Variants in SIK3 observed in about 807,000 individuals in gnomAD.
SIK3 encodes SIK family kinase 3, also known as serine/threonine-protein kinase SIK3.
In SIK3, 28 loss-of-function variants were observed where a neutral mutation model predicts 144.2. That is an observed-to-expected ratio of 0.19 (90% CI 0.14 to 0.27). The LOEUF (loss-of-function observed/expected upper bound fraction) is 0.27, where lower values mean the gene tolerates loss of function less well. Ranked by LOEUF, SIK3 falls within the 10% of genes least tolerant of loss-of-function variation. The probability of loss-of-function intolerance (pLI) is 1.00; values close to 1 mark genes in which losing one functional copy is unlikely to be tolerated. For missense variants in SIK3, 1,319 were observed against 1,776.0 expected (o/e 0.74, Z 4.62); for synonymous variants, 686 against 676.3 (o/e 1.01, Z -0.22).
At chr11:116,968,318 A>AT (rs1183635264) in intron 1 of SIK3, among the ~76,000 whole-genome samples, 1 of 151,914 alleles carries the variant, frequency 6.6e-6, no homozygotes, top group Non-Finnish European at 1.5e-5. Context: ...AATTTTTTGT[A>AT]TTTTTAGTAG....
intron 21 of SIK3, among the ~76,000 whole-genome samples, chr11:116,851,689 G>C (rs1942456816): frequency 6.6e-6 from 1 of 152,194 alleles, no homozygotes; most frequent in East Asian, 1.9e-4. Flanking sequence ...CTAAAAGCCA[G>C]CAGAGAGAAG....
intron 7 of SIK3, among the ~76,000 whole-genome samples, chr11:116,876,700 C>CA (rs1944276753): frequency 6.6e-6 from 1 of 152,240 alleles, no homozygotes; most frequent in African/African-American, 2.4e-5. Context: ...AAGCCAAAAA[C>CA]AGACGATAAT....
intron 1 of SIK3, among the ~76,000 whole-genome samples, chr11:117,070,897 C>T (rs61903398): frequency 0.16 from 24,692 of 151,348 alleles, 2,128 homozygotes; most frequent in Admixed American, 0.21. Context: ...GGATTACAGG[C>T]CCCCGCCACC....
rs1442498591 is a variant in SIK3 at position 117,012,824 on chromosome 11, A to AG, written c.274-55761dup. Among the ~76,000 whole-genome samples, 177 of 122,202 alleles carry AG rather than the reference A, an allele frequency of 1.4e-3. 1 individual carries two copies. The highest frequency in any genetic ancestry group is 2.2e-3 in the Non-Finnish European group (124 of 57,412). The allele number at this position is 122,202 out of a possible 152,430, so 80.2% of individuals were successfully genotyped here. On this transcript the variant is annotated intron_variant, in intron 1 of 24. Transcript: ENST00000445177. Reference sequence around the variant, plus strand: ...TGACTCATAATATATTGAAATTCTTAGGGTTTTTTTTTTTGCCATTACTGC... The same window carrying AG: ...TGACTCATAATATATTGAAATTCTTAGGGGTTTTTTTTTTTGCCATTACTGC...
chr11:116,906,160 T>C (rs1208301902), intron 4 of SIK3, among the ~76,000 whole-genome samples: 4 of 152,108 alleles, frequency 2.6e-5, no homozygotes, highest in Non-Finnish European at 5.9e-5. Context: ...GAGGTGAATA[T>C]TGAAGGCTGT....
At chr11:116,903,675 G>C (rs1303586647) in intron 4 of SIK3, among the ~76,000 whole-genome samples, 1 of 152,156 alleles carries the variant, frequency 6.6e-6, no homozygotes, top group Non-Finnish European at 1.5e-5. Context: ...TTTACCTCCT[G>C]GGCTCAAGCC....
chr11:117,088,259 A>C (rs1449482692), intron 1 of SIK3, among the ~76,000 whole-genome samples: 1 of 152,110 alleles, frequency 6.6e-6, no homozygotes, highest in Admixed American at 6.6e-5. Context: ...AACAAAAAAC[A>C]AAAAACTAAG....
chr11:116,924,080 G>C (rs1210049737), intron 4 of SIK3, among the ~76,000 whole-genome samples: 1 of 151,982 alleles, frequency 6.6e-6, no homozygotes. Context: ...GAACTCCTGA[G>C]GTCAGGAGTT....
intron 3 of SIK3, among the ~76,000 whole-genome samples, chr11:116,946,840 G>C (rs1179483704): frequency 6.6e-6 from 1 of 152,070 alleles, no homozygotes; most frequent in Non-Finnish European, 1.5e-5. Flanking sequence ...GCCAGGCCAG[G>C]AGCGTTGGCT....
chr11:116,911,322 A>G (rs997271352), intron 4 of SIK3, among the ~76,000 whole-genome samples: 1 of 152,112 alleles, frequency 6.6e-6, no homozygotes, highest in African/African-American at 2.4e-5. Context: ...AGCCTGGTCA[A>G]CACGGTGAAA....
chr11:116,986,322 A>G (rs1239788305), intron 1 of SIK3, among the ~76,000 whole-genome samples: 1 of 152,208 alleles, frequency 6.6e-6, no homozygotes, highest in Non-Finnish European at 1.5e-5. Flanking sequence ...GGTTGCTATA[A>G]AGATTACAAC....
intron 1 of SIK3, among the ~76,000 whole-genome samples, chr11:116,998,264 G>A (rs1182271545): frequency 6.6e-6 from 1 of 151,980 alleles, no homozygotes; most frequent in African/African-American, 2.4e-5. Context: ...AAGGTCAGGA[G>A]TTTGAAACCA....
chr11:117,083,660 C>CT lies in SIK3; in HGVS notation c.273+14482_273+14483insA, dbSNP rs1954885498. Among the ~76,000 whole-genome samples the CT allele has an allele frequency of 2.6e-5, 4 of 152,290 alleles. No homozygotes were observed. The South Asian group carries it at 8.3e-4, about 32-fold the overall frequency. ...AGAACATTCTAACAGAAGGAAAAGA[C>CT]AACAGGAGGCAAGAAGCAGAAAGAG... On this transcript the variant is annotated intron_variant, in intron 1 of 24. Transcript: ENST00000445177.
intron 4 of SIK3, among the ~76,000 whole-genome samples, chr11:116,904,480 T>A (rs12280030): frequency 0.075 from 11,358 of 152,162 alleles, 512 homozygotes; most frequent in Middle Eastern, 0.11. Context: ...CTTTCCTTTT[T>A]TTTTCCTCCA....
chr11:117,057,831 T>C (rs919975570), intron 1 of SIK3, among the ~76,000 whole-genome samples: 1 of 152,190 alleles, frequency 6.6e-6, no homozygotes, highest in South Asian at 2.1e-4. Context: ...TTTACCCACC[T>C]ATACAACTCA....
At chr11:117,033,581 C>T (rs1375551021) in intron 1 of SIK3, among the ~76,000 whole-genome samples, 1 of 151,134 alleles carries the variant, frequency 6.6e-6, no homozygotes, top group Non-Finnish European at 1.5e-5. Context: ...TCGTGGTGGG[C>T]GCCTGTAGTC....
At chr11:116,997,349 G>A (rs1418153753) in intron 1 of SIK3, among the ~76,000 whole-genome samples, 1 of 152,164 alleles carries the variant, frequency 6.6e-6, no homozygotes, top group African/African-American at 2.4e-5. Flanking sequence ...GCAAAAAGAA[G>A]ACCCCAAACA....
intron 1 of SIK3, among the ~76,000 whole-genome samples, chr11:116,958,876 G>A (rs1277030252): frequency 6.6e-6 from 1 of 152,104 alleles, no homozygotes; most frequent in Non-Finnish European, 1.5e-5. Flanking sequence ...CTTCTCTCAG[G>A]ACAGCTCCCA....
rs368099574 is a variant in SIK3 at position 117,065,442 on chromosome 11, GA to G, written c.273+32700del. Among the ~76,000 whole-genome samples, 8 of 151,892 alleles carry G rather than the reference GA, an allele frequency of 5.3e-5. No individual in the cohort carries two copies. In the South Asian group the frequency reaches 1.7e-3, roughly 32 times the overall value. On this transcript the variant is annotated intron_variant, in intron 1 of 24. Coordinates refer to ENST00000445177, the MANE Select transcript of SIK3 (RefSeq NM_001366686.3). The stretch of plus-strand genomic sequence containing the variant: ...TTTTCATTTTTTTTACAGCAAATCA[GA>G]CAACTCAATAACTTTTGAAAACAAT...
Sources: allele counts gnomAD v4.1 joint callset (sites outside exome capture counted in the v4.1 genomes callset), GRCh38; gene constraint gnomAD v4.1.1; transcripts MANE v1.5; gene names NCBI Gene and HGNC (gene_info 2026-07-23, HGNC 2026-07-21).